Variants in FRAS1 observed in about 807,000 individuals in gnomAD.
The protein encoded by FRAS1 is Fraser extracellular matrix complex subunit 1.
Under a neutral mutation model 435.2 loss-of-function variants are expected in FRAS1, and 290 were observed. The observed-to-expected ratio is 0.67, with a 90% CI of 0.61 to 0.73. The LOEUF is 0.73. Among genes scored for constraint, FRAS1 ranks in the 30% least tolerant of loss-of-function variants. FRAS1 has a pLI of 0.00. For synonymous variants in FRAS1, 1,800 were observed against 1,851.0 expected (o/e 0.97, Z 0.71); for missense variants, 4,860 against 5,001.5 (o/e 0.97, Z 0.85).
At chr4:78,143,991 T>A (rs1720309259) in intron 2 of FRAS1, among the ~76,000 whole-genome samples, 1 of 151,336 alleles carries the variant, frequency 6.6e-6, no homozygotes, top group Non-Finnish European at 1.5e-5. Flanking sequence ...CAAAAAATAC[T>A]TAAAAAATTT....
chr4:78,392,442 A>C (rs975276295), intron 29 of FRAS1, among the ~76,000 whole-genome samples: 1 of 151,682 alleles, frequency 6.6e-6, no homozygotes, highest in African/African-American at 2.4e-5. Context: ...TTCATTTATG[A>C]CTCAACCTTT....
chr4:78,332,640 G>A (rs1247081526), intron 18 of FRAS1, among the ~76,000 whole-genome samples: 1 of 152,218 alleles, frequency 6.6e-6, no homozygotes, highest in Non-Finnish European at 1.5e-5. Flanking sequence ...AGATGAGGAA[G>A]CAGGAGCCTT....
chr4:78,481,862 C>G lies in FRAS1; in HGVS notation c.8502C>G (p.Val2834=), dbSNP rs1302032052. The G allele has an allele frequency of 6.2e-7, 1 of 1,613,918 alleles. No homozygotes were observed. The highest frequency in any genetic ancestry group is 8.5e-7 in the Non-Finnish European group (1 of 1,179,842). ...HGTDLSTFAS[V]WCATRPSDPA... is the part of the protein sequence containing the mutation. The stretch of plus-strand genomic sequence containing the variant: ...CTGACCTCTCTACTTTCGCATCTGT[C>G]TGGTGTGCAACGCGGCCCTCAGACC... The change falls in exon 57 of 74, where the codon GTC becomes GTG. Residue 2834 remains valine (V), a synonymous_variant. Transcript: ENST00000512123.
At chr4:78,363,467 G>A in intron 20 of FRAS1, 46 bp from the exon 21 acceptor site, 1 of 1,561,360 alleles carries the variant, frequency 6.4e-7, no homozygotes, top group Non-Finnish European at 8.7e-7. Context: ...GAGACTTTGT[G>A]CTCATGAGCA....
At chr4:78,096,048 G>A (rs550132986) in intron 2 of FRAS1, among the ~76,000 whole-genome samples, 2 of 152,296 alleles carry the variant, frequency 1.3e-5, no homozygotes, top group East Asian at 3.9e-4. Context: ...AAGCAAGTTA[G>A]TTACTTCCTA....
chr4:78,182,728 A>G (rs115443939), intron 2 of FRAS1, among the ~76,000 whole-genome samples: 3,063 of 152,084 alleles, frequency 0.02, 97 homozygotes, highest in African/African-American at 0.07. Context: ...GGATACAAAA[A>G]AATTAGCTGG....
At chr4:78,343,737 G>A (rs1486977918) in intron 20 of FRAS1, among the ~76,000 whole-genome samples, 2 of 152,058 alleles carry the variant, frequency 1.3e-5, no homozygotes, top group Admixed American at 1.3e-4. Context: ...TGAATAACAG[G>A]GGGGAAAACC....
intron 2 of FRAS1, among the ~76,000 whole-genome samples, chr4:78,202,557 GGT>G (rs1260380853): frequency 6.6e-6 from 1 of 152,146 alleles, no homozygotes; most frequent in Non-Finnish European, 1.5e-5. Flanking sequence ...AGAGGAAGGA[GGT>G]ACACGCTTCT....
chr4:78,221,664 G>A (rs1426229201), intron 2 of FRAS1, among the ~76,000 whole-genome samples: 1 of 152,140 alleles, frequency 6.6e-6, no homozygotes, highest in Non-Finnish European at 1.5e-5. Flanking sequence ...ATTTTTAGAA[G>A]GGGCTCTTAT....
intron 20 of FRAS1, among the ~76,000 whole-genome samples, chr4:78,342,551 A>G (rs1730434486): frequency 6.6e-6 from 1 of 151,928 alleles, no homozygotes; most frequent in Admixed American, 6.5e-5. Context: ...AGATTAGAAA[A>G]AATTTTTTTT....
chr4:78,114,240 T>A (rs1333323807), intron 2 of FRAS1, among the ~76,000 whole-genome samples: 3 of 152,180 alleles, frequency 2.0e-5, no homozygotes, highest in Non-Finnish European at 4.4e-5. Context: ...AGCCTTGTAG[T>A]ATAGTTTGAA....
At chr4:78,343,581 A>G (rs435317) in intron 20 of FRAS1, among the ~76,000 whole-genome samples, 26,359 of 152,086 alleles carry the variant, frequency 0.17, 3,058 homozygotes, top group African/African-American at 0.34. Flanking sequence ...ATAAATAAAC[A>G]CTTTTGAGTC....
intron 2 of FRAS1, among the ~76,000 whole-genome samples, chr4:78,183,306 T>A (rs528747169): frequency 6.6e-6 from 1 of 152,274 alleles, no homozygotes; most frequent in South Asian, 2.1e-4. Context: ...GGTATTTTAA[T>A]TCCCAGGAAA....
intron 2 of FRAS1, among the ~76,000 whole-genome samples, chr4:78,166,624 A>G (rs1357691861): frequency 2.0e-5 from 3 of 152,212 alleles, no homozygotes; most frequent in Non-Finnish European, 4.4e-5. Flanking sequence ...TAGTTTTCTC[A>G]AGAGTCACCA....
chr4:78,513,506 C>G lies in FRAS1; in HGVS notation c.10128C>G (p.His3376Gln), dbSNP rs369331788. ...LLSESIYRHQ[H>Q]VCSNLVTTYD... ...CTGAGTCCATCTACAGACACCAGCA[C>G]GTCTGCTCCAATTTAGTTACCACCT... Residue 3376 changes from histidine to glutamine, a missense_variant, in exon 65 of 74, where the codon CAC becomes CAG. By Grantham distance (24) the His-to-Gln change is conservative. Transcript: ENST00000512123. 14 of 1,613,738 alleles carry G rather than the reference C, an allele frequency of 8.7e-6. No homozygotes were observed. The highest frequency in any genetic ancestry group is 1.1e-5 in the Non-Finnish European group (13 of 1,179,802).
intron 2 of FRAS1, among the ~76,000 whole-genome samples, chr4:78,077,284 C>T (rs1029648336): frequency 6.6e-6 from 1 of 152,080 alleles, no homozygotes; most frequent in Non-Finnish European, 1.5e-5. Flanking sequence ...GTGGGAGGAT[C>T]GCTTGATCCC....
intron 22 of FRAS1, among the ~76,000 whole-genome samples, chr4:78,368,917 G>A (rs1731384736): frequency 6.6e-6 from 1 of 152,142 alleles, no homozygotes; most frequent in Non-Finnish European, 1.5e-5. Context: ...TTCCAGGATT[G>A]AAAAATGACA....
intron 2 of FRAS1, among the ~76,000 whole-genome samples, chr4:78,186,273 A>G (rs1455196815): frequency 2.0e-5 from 3 of 152,098 alleles, no homozygotes; most frequent in Non-Finnish European, 4.4e-5. Context: ...TCCTCCAAGA[A>G]TCATGAAACC....
intron 3 of FRAS1, among the ~76,000 whole-genome samples, chr4:78,240,090 G>C (rs1030021312): frequency 1.3e-5 from 2 of 152,016 alleles, no homozygotes; most frequent in African/African-American, 4.8e-5. Context: ...GAATTAATGA[G>C]AGATGAGGCT....
Sources: gnomAD v4.1 joint callset for allele counts (sites outside exome capture counted in the v4.1 genomes callset) on GRCh38, gnomAD v4.1.1 for gene constraint, MANE v1.5 for transcripts, NCBI Gene and HGNC (gene_info 2026-07-23, HGNC 2026-07-21) for gene names.